Variants in BLM observed in about 807,000 individuals in gnomAD.
The protein encoded by BLM is BLM RecQ like helicase, also known as recQ-like DNA helicase BLM.
A neutral mutation model predicts 135.3 loss-of-function variants in BLM; 95 were observed. The ratio of observed to expected loss-of-function variants is 0.70; its 90% CI spans 0.59 to 0.83. The LOEUF (loss-of-function observed/expected upper bound fraction) is 0.83. Ranked by LOEUF, BLM falls within the 40% of genes least tolerant of loss-of-function variation. The pLI, the probability that BLM is intolerant of heterozygous loss-of-function variation, is 0.00. For missense variants in BLM, 1,518 were observed against 1,663.9 expected (o/e 0.91, Z 1.53); for synonymous variants, 520 against 589.2 (o/e 0.88, Z 1.70).
chr15:90,743,073 G>A (rs1253616142), intron 1 of BLM, among the ~76,000 whole-genome samples: 1 of 147,248 alleles, frequency 6.8e-6, no homozygotes, highest in African/African-American at 2.5e-5. Context: ...ATTGCTCACT[G>A]CAGCCTCGAA....
chr15:90,768,160 C>A (rs1167523115), intron 10 of BLM, among the ~76,000 whole-genome samples: 4 of 152,076 alleles, frequency 2.6e-5, no homozygotes, highest in Non-Finnish European at 5.9e-5. Flanking sequence ...CCAGGCTGGT[C>A]TCAAACTCCT....
intron 20 of BLM, among the ~76,000 whole-genome samples, chr15:90,810,371 T>C (rs1362489170): frequency 6.6e-6 from 1 of 152,132 alleles, no homozygotes; most frequent in Non-Finnish European, 1.5e-5. Context: ...TCCTAAATTC[T>C]TCTATATGGT....
chr15:90,772,705 A>G (rs73498476), intron 12 of BLM, among the ~76,000 whole-genome samples: 2,098 of 152,344 alleles, frequency 0.014, 47 homozygotes, highest in African/African-American at 0.047. Flanking sequence ...CAGGAACTGA[A>G]GAAGACAAGA....
Position 90,790,851 on chromosome 15 carries a change from T to C in BLM, c.3019+7T>C, listed in dbSNP as rs761087545. The stretch of plus-strand genomic sequence containing the variant: ...CTGAAAAGACTTATAATGAGTAAGC[T>C]GGGCTCCATTGTAGAGACATTCTGT... On this transcript the variant is annotated splice_region_variant and intron_variant, in intron 15 of 21. Coordinates refer to ENST00000355112, the MANE Select transcript of BLM (RefSeq NM_000057.4). 4.3e-6 allele frequency: 7 copies of C among 1,610,338 alleles called. No homozygotes were observed. In the Admixed American group the frequency reaches 8.3e-5, roughly 19 times the overall value.
At chr15:90,787,275 G>A (rs1427093402) in intron 14 of BLM, among the ~76,000 whole-genome samples, 2 of 151,532 alleles carry the variant, frequency 1.3e-5, no homozygotes, top group African/African-American at 2.4e-5. Flanking sequence ...GGAGGGTCTC[G>A]ATCTCCTGAC....
chr15:90,770,969 G>C (rs1896298073), intron 12 of BLM, among the ~76,000 whole-genome samples: 1 of 152,138 alleles, frequency 6.6e-6, no homozygotes, highest in Non-Finnish European at 1.5e-5. Context: ...TAAGTTGTTT[G>C]GTTCCAGCCT....
At chr15:90,754,714 T>A (rs1895770221) in intron 4 of BLM, 97 bp from the exon 5 acceptor site, 1 of 1,300,658 alleles carries the variant, frequency 7.7e-7, no homozygotes. Context: ...TTATATATTG[T>A]CTGATCAGTG....
chr15:90,747,901 G>A (rs1233586138), intron 2 of BLM, among the ~76,000 whole-genome samples: 1 of 152,174 alleles, frequency 6.6e-6, no homozygotes, highest in East Asian at 1.9e-4. Flanking sequence ...TCCGCCTCCT[G>A]GGTTCACGCC....
At chr15:90,773,511 C>CTTTTTTTT (rs55678339) in intron 12 of BLM, among the ~76,000 whole-genome samples, 429 of 100,808 alleles carry the variant, frequency 4.3e-3, no homozygotes, top group Non-Finnish European at 4.9e-3. Context: ...CTTCAATGGC[C>CTTTTTTTT]TTTTTTTTTT....
At chr15:90,764,628 A>G (rs1026025800) in intron 8 of BLM, among the ~76,000 whole-genome samples, 11 of 152,272 alleles carry the variant, frequency 7.2e-5, no homozygotes, top group African/African-American at 2.6e-4. Context: ...GGGATTTATA[A>G]ATAATAAAAG....
chr15:90,756,407 T>A (rs973648698), intron 5 of BLM, among the ~76,000 whole-genome samples: 2 of 152,158 alleles, frequency 1.3e-5, no homozygotes, highest in African/African-American at 2.4e-5. Context: ...CTGGCCCACT[T>A]TAAGGTAGTT....
intron 19 of BLM, 86 bp downstream of exon 19, chr15:90,804,445 A>G (rs1897241997): frequency 1.5e-6 from 2 of 1,376,340 alleles, no homozygotes; most frequent in South Asian, 1.2e-5. Flanking sequence ...AGTGATAAAT[A>G]TATCTCAGTG....
intron 12 of BLM, among the ~76,000 whole-genome samples, chr15:90,780,124 G>A (rs1331435744): frequency 4.2e-5 from 6 of 144,176 alleles, no homozygotes; most frequent in African/African-American, 7.8e-5. Flanking sequence ...CTCACTCTTC[G>A]CCCAGGCTGG....
intron 15 of BLM, chr15:90,793,689 A>G (rs1272448384): frequency 6.5e-6 from 1 of 152,772 alleles, no homozygotes; most frequent in African/African-American, 2.4e-5. Flanking sequence ...GATGTTCAAC[A>G]GATGTTAGGC....
At chr15:90,810,027 A>T (rs180949279) in intron 20 of BLM, among the ~76,000 whole-genome samples, 1 of 151,486 alleles carries the variant, frequency 6.6e-6, no homozygotes, top group African/African-American at 2.4e-5. Flanking sequence ...GATGATGGAA[A>T]TGATGAGCAG....
In BLM at chr15:90,805,895, G is replaced by T. The variant is rs913348223; in HGVS notation, c.3751+1536G>T. ...TTTGTGCTGATTATTTGCCTGCTTTGTAGTGTTTAGCTGTGTTATGTACAA... is the reference window on the plus strand; with the variant it reads ...TTTGTGCTGATTATTTGCCTGCTTTTTAGTGTTTAGCTGTGTTATGTACAA... On this transcript the variant is annotated intron_variant, in intron 19 of 21. Transcript: ENST00000355112. Among the ~76,000 whole-genome samples the T allele has an allele frequency of 6.6e-5, 10 of 152,030 alleles. No homozygotes were observed. In the East Asian group the frequency reaches 7.9e-4, roughly 12 times the overall value.
At chr15:90,778,233 A>G (rs963395644) in intron 12 of BLM, among the ~76,000 whole-genome samples, 1 of 152,210 alleles carries the variant, frequency 6.6e-6, no homozygotes. Context: ...TTCTAATCTC[A>G]TGTCATTTTT....
At chr15:90,791,142 C>T (rs1360812971) in intron 15 of BLM, among the ~76,000 whole-genome samples, 1 of 152,082 alleles carries the variant, frequency 6.6e-6, no homozygotes, top group Non-Finnish European at 1.5e-5. Context: ...CCTTTCAGAC[C>T]CTATTTCTGC....
intron 12 of BLM, among the ~76,000 whole-genome samples, chr15:90,769,994 A>G (rs8031341): frequency 0.29 from 43,704 of 151,904 alleles, 7,839 homozygotes; most frequent in African/African-American, 0.51. Context: ...GAAATGAAAG[A>G]TGACCCTGCT....
Sources: gnomAD v4.1 joint callset for allele counts (sites outside exome capture counted in the v4.1 genomes callset) on GRCh38, gnomAD v4.1.1 for gene constraint, MANE v1.5 for transcripts, NCBI Gene and HGNC (gene_info 2026-07-23, HGNC 2026-07-21) for gene names.